RYR3: variants seen among roughly 807,000 people sequenced by gnomAD.
RYR3 encodes brain ryanodine receptor-calcium release channel.
Under a neutral mutation model 584.3 loss-of-function variants are expected in RYR3, and 207 were observed. That is an observed-to-expected ratio of 0.35 (90% CI 0.32 to 0.40). The LOEUF (loss-of-function observed/expected upper bound fraction) is 0.40. RYR3 is among the 10% of genes least tolerant of loss of function. The probability of loss-of-function intolerance (pLI) is 1.00; values close to 1 mark genes in which losing one functional copy is unlikely to be tolerated. For missense variants in RYR3, 5,616 were observed against 6,089.2 expected (o/e 0.92, Z 2.59); for synonymous variants, 2,416 against 2,248.5 (o/e 1.07, Z -2.11).
chr15:33,474,304 A>G (rs1320505578), intron 2 of RYR3, among the ~76,000 whole-genome samples: 1 of 152,166 alleles, frequency 6.6e-6, no homozygotes, highest in Non-Finnish European at 1.5e-5. Flanking sequence ...TAGGTAGGTA[A>G]GTATATAAGT....
At chr15:33,732,431 A>G (rs1314621502) in intron 48 of RYR3, among the ~76,000 whole-genome samples, 1 of 151,182 alleles carries the variant, frequency 6.6e-6, no homozygotes, top group Non-Finnish European at 1.5e-5. Context: ...TCCCAAGACC[A>G]GCAACAAATG....
intron 38 of RYR3, among the ~76,000 whole-genome samples, chr15:33,683,783 A>C (rs534784067): frequency 6.6e-6 from 1 of 152,378 alleles, no homozygotes; most frequent in East Asian, 1.9e-4. Flanking sequence ...TTCCGCCCAA[A>C]TACTGCGCTT....
intron 16 of RYR3, among the ~76,000 whole-genome samples, chr15:33,591,261 T>C (rs2059116297): frequency 6.6e-6 from 1 of 152,232 alleles, no homozygotes; most frequent in South Asian, 2.1e-4. Context: ...CCAGTTGGAA[T>C]TGGTCTCCTC....
At chr15:33,807,665 A>G in intron 70 of RYR3, 96 bp downstream of exon 70, 2 of 1,294,264 alleles carry the variant, frequency 1.5e-6, no homozygotes, top group Non-Finnish European at 2.2e-6. Context: ...GGGGTGGTAG[A>G]GAATGGATTT....
intron 27 of RYR3, among the ~76,000 whole-genome samples, chr15:33,641,634 T>C (rs1269980612): frequency 6.6e-6 from 1 of 152,238 alleles, no homozygotes; most frequent in Non-Finnish European, 1.5e-5. Context: ...CTTTCCTCTC[T>C]GTCCTTTCAG....
intron 10 of RYR3, among the ~76,000 whole-genome samples, chr15:33,553,710 C>T (rs1479914232): frequency 6.6e-6 from 1 of 152,164 alleles, no homozygotes; most frequent in African/African-American, 2.4e-5. Flanking sequence ...AATACAGCAT[C>T]CCAGCCTTAT....
chr15:33,823,364 G>A (rs560723136), intron 81 of RYR3, among the ~76,000 whole-genome samples: 1 of 152,176 alleles, frequency 6.6e-6, no homozygotes, highest in African/African-American at 2.4e-5. Flanking sequence ...TTCCCAGCAG[G>A]CTCAGTGTGC....
chr15:33,376,408 C>T (rs1361377127), intron 1 of RYR3, among the ~76,000 whole-genome samples: 1 of 152,186 alleles, frequency 6.6e-6, no homozygotes, highest in Non-Finnish European at 1.5e-5. Flanking sequence ...GCTGTCATGA[C>T]TAAGTCTACT....
At chr15:33,484,991 T>G (rs1025504198) in intron 2 of RYR3, among the ~76,000 whole-genome samples, 5 of 152,118 alleles carry the variant, frequency 3.3e-5, no homozygotes, top group Non-Finnish European at 5.9e-5. Flanking sequence ...CAGAAAATGT[T>G]TATTAAAAAG....
chr15:33,537,671 G>T (rs1011369562), intron 5 of RYR3, among the ~76,000 whole-genome samples: 9 of 152,154 alleles, frequency 5.9e-5, no homozygotes, highest in African/African-American at 2.2e-4. Flanking sequence ...CGTCTCTTGT[G>T]CCTTGGTGTC....
intron 43 of RYR3, among the ~76,000 whole-genome samples, chr15:33,713,915 C>G (rs1393074160): frequency 1.3e-5 from 2 of 152,150 alleles, no homozygotes; most frequent in Non-Finnish European, 2.9e-5. Flanking sequence ...CTACCAAAGG[C>G]CCTACTGCCT....
Position 33,370,591 on chromosome 15 carries a change from G to C in RYR3, c.51+59495G>C, listed in dbSNP as rs556250463. Among the ~76,000 whole-genome samples the C allele has an allele frequency of 5.3e-5, 8 of 152,278 alleles. No individual in the cohort carries two copies. In the South Asian group the frequency reaches 1.7e-3, roughly 32 times the overall value. On this transcript the variant is annotated intron_variant, in intron 1 of 103. Transcript: ENST00000634891. Reference sequence around the variant, plus strand: ...GCCCAGATACAAAGTAAACGTATTGGACATATTATAGGTGCCCAGGTTTTC... The same window carrying C: ...GCCCAGATACAAAGTAAACGTATTGCACATATTATAGGTGCCCAGGTTTTC...
chr15:33,649,332 T>C, intron 31 of RYR3, 97 bp downstream of exon 31: 1 of 1,186,838 alleles, frequency 8.4e-7, no homozygotes. Context: ...AGGAAACATC[T>C]TGGCCTCTCT....
intron 1 of RYR3, among the ~76,000 whole-genome samples, chr15:33,431,891 G>A (rs2045187247): frequency 6.6e-6 from 1 of 152,210 alleles, no homozygotes; most frequent in Non-Finnish European, 1.5e-5. Flanking sequence ...CTCTTTTACG[G>A]TGAGACTGGG....
intron 53 of RYR3, among the ~76,000 whole-genome samples, chr15:33,747,419 C>CTTTTTTTTTTTTTTTTTTTT (rs397854038): frequency 1.4e-5 from 1 of 71,914 alleles, no homozygotes; most frequent in Non-Finnish European, 2.4e-5. Context: ...TGTTGTCACC[C>CTTTTTTTTTTTTTTTTTTTT]TTTTTTTTTT....
intron 32 of RYR3, among the ~76,000 whole-genome samples, chr15:33,656,884 T>C (rs1305434582): frequency 6.7e-6 from 1 of 149,838 alleles, no homozygotes; most frequent in Non-Finnish European, 1.5e-5. Context: ...AACTCCTGCC[T>C]TTAGAAGCCT....
chr15:33,349,684 G>A (rs558840762), intron 1 of RYR3, among the ~76,000 whole-genome samples: 2 of 148,252 alleles, frequency 1.3e-5, no homozygotes, highest in Non-Finnish European at 3.0e-5. Flanking sequence ...ATGCTGGTGC[G>A]CTGCACCCAC....
At chr15:33,704,507 G>A (rs191211372) in intron 42 of RYR3, among the ~76,000 whole-genome samples, 5 of 152,306 alleles carry the variant, frequency 3.3e-5, no homozygotes, top group East Asian at 1.9e-4. Context: ...GCCACCTGTC[G>A]TGAGAGCTTC....
At chr15:33,665,030 A>G (rs1252633440) in intron 36 of RYR3, among the ~76,000 whole-genome samples, 1 of 152,198 alleles carries the variant, frequency 6.6e-6, no homozygotes, top group African/African-American at 2.4e-5. Flanking sequence ...GCACCACACA[A>G]AATGCACAAG....
Sources: allele counts gnomAD v4.1 joint callset (sites outside exome capture counted in the v4.1 genomes callset), GRCh38; gene constraint gnomAD v4.1.1; transcripts MANE v1.5; gene names NCBI Gene and HGNC (gene_info 2026-07-23, HGNC 2026-07-21).